TSHZ2: variants seen among roughly 807,000 people sequenced by gnomAD.
The protein encoded by TSHZ2 is teashirt zinc finger homeobox 2.
TSHZ2 carries 21 observed loss-of-function variants against 74.4 expected under a neutral mutation model. The observed-to-expected ratio is 0.28, with a 90% CI of 0.20 to 0.41. TSHZ2 has a LOEUF of 0.41. Among genes scored for constraint, TSHZ2 ranks in the 10% least tolerant of loss-of-function variants. The probability of loss-of-function intolerance (pLI) is 1.00; values close to 1 mark genes in which losing one functional copy is unlikely to be tolerated. For missense variants in TSHZ2, 1,244 were observed against 1,293.5 expected, an observed-to-expected ratio of 0.96 and a Z score of 0.59; for synonymous variants, 540 against 515.3, an observed-to-expected ratio of 1.05 and a Z score of -0.65.
At position 53,252,555 on chromosome 20, in the gene TSHZ2, A is replaced by G. The variant is rs570800453; in HGVS notation, c.41-944A>G. On this transcript the variant is annotated intron_variant, in intron 1 of 2. Coordinates refer to ENST00000371497, the MANE Select transcript of TSHZ2 (RefSeq NM_173485.6). ...ATATTTGCCCATTAATTCCCTTTGC[A>G]CTGGCTCACTCATGTCTTCATTTTC... Among the ~76,000 whole-genome samples, 5 of 152,326 alleles carry G rather than the reference A, an allele frequency of 3.3e-5. No homozygotes were observed. In the South Asian group the frequency reaches 1.0e-3, roughly 32 times the overall value.
rs78682281 is a variant in TSHZ2 at position 53,338,784 on chromosome 20, T to C, written c.*8+82213T>C. ...GCTCCAAATGTCAGGAGTACTCAGC[T>C]CCAAATGTCAGGAGTACTGAGGGCG... is the stretch of plus-strand genomic sequence containing the variant. On this transcript the variant is annotated intron_variant, in intron 2 of 2. Coordinates refer to ENST00000371497, the MANE Select transcript of TSHZ2 (RefSeq NM_173485.6). Among the ~76,000 whole-genome samples, 19 of 146,950 alleles carry C rather than the reference T, an allele frequency of 1.3e-4. No individual in the cohort carries two copies. The East Asian group carries it at 3.5e-3, about 27-fold the overall frequency.
intron 1 of TSHZ2, among the ~76,000 whole-genome samples, chr20:53,180,999 A>G (rs960201667): frequency 6.6e-6 from 1 of 151,890 alleles, no homozygotes; most frequent in Non-Finnish European, 1.5e-5. Flanking sequence ...CAATTGCCTT[A>G]TTTCCTGGTC....
intron 1 of TSHZ2, among the ~76,000 whole-genome samples, chr20:52,975,948 C>T (rs1330071513): frequency 3.9e-5 from 6 of 152,178 alleles, no homozygotes; most frequent in African/African-American, 1.4e-4. Flanking sequence ...TAAGTAATTA[C>T]ACCCAAGGAC....
At chr20:53,116,847 C>T (rs999821410) in intron 1 of TSHZ2, among the ~76,000 whole-genome samples, 11 of 152,124 alleles carry the variant, frequency 7.2e-5, no homozygotes, top group African/African-American at 2.7e-4. Flanking sequence ...GTCTGGGCTA[C>T]TATAGCAAGA....
intron 1 of TSHZ2, among the ~76,000 whole-genome samples, chr20:53,165,387 A>G (rs750043974): frequency 6.6e-6 from 1 of 152,194 alleles, no homozygotes; most frequent in Non-Finnish European, 1.5e-5. Flanking sequence ...CAATTATCCA[A>G]CATCACACCA....
intron 1 of TSHZ2, among the ~76,000 whole-genome samples, chr20:53,120,318 A>T (rs1487199555): frequency 6.6e-6 from 1 of 152,208 alleles, no homozygotes; most frequent in African/African-American, 2.4e-5. Context: ...CCACACTACA[A>T]AGTATGATAA....
At chr20:53,198,733 C>T (rs996230710) in intron 1 of TSHZ2, among the ~76,000 whole-genome samples, 1 of 152,212 alleles carries the variant, frequency 6.6e-6, no homozygotes. Context: ...CTGAGTTAAA[C>T]AATTAGAGGC....
chr20:52,987,008 C>T (rs1368773646), intron 1 of TSHZ2, among the ~76,000 whole-genome samples: 1 of 152,050 alleles, frequency 6.6e-6, no homozygotes, highest in African/African-American at 2.4e-5. Context: ...AATGCCAGGG[C>T]AGGGCAAGGT....
rs575448427 is a variant in TSHZ2 at position 53,256,094 on chromosome 20, C to T, written c.2636C>T (p.Pro879Leu). ...AAATACCTGCTGTCTGATCTGGGCC[C>T]ACAAGAGCGTATGCAAATCTCTAAG... ...EGKYLLSDLG[P>L]QERMQISKFT... The change falls in exon 2 of 3, where the codon CCA becomes CTA. Residue 879 changes from proline (P) to leucine (L), a missense_variant. Pro to Leu is a moderately conservative substitution (Grantham distance 98, BLOSUM62 -3). Coordinates refer to ENST00000371497, the MANE Select transcript of TSHZ2 (RefSeq NM_173485.6). This position sits in a 1 kb window ranked among gnomAD's most constrained non-coding sequence, Gnocchi z 4.3. 1.9e-6 allele frequency: 3 copies of T among 1,614,154 alleles called. No individual in the cohort carries two copies. The South Asian group carries it at 3.3e-5, about 18-fold the overall frequency.
intron 2 of TSHZ2, among the ~76,000 whole-genome samples, chr20:53,402,267 C>A (rs1982695420): frequency 6.6e-6 from 1 of 152,146 alleles, no homozygotes; most frequent in Non-Finnish European, 1.5e-5. Flanking sequence ...CTTAATGAAT[C>A]TCTACACTGT....
intron 1 of TSHZ2, among the ~76,000 whole-genome samples, chr20:53,219,028 G>GC (rs1235633765): frequency 1.3e-5 from 2 of 152,188 alleles, no homozygotes; most frequent in African/African-American, 2.4e-5. Flanking sequence ...AGCTTGCTAA[G>GC]CCCCCAGCTG....
At chr20:53,021,648 G>A (rs958556220) in intron 1 of TSHZ2, among the ~76,000 whole-genome samples, 1 of 152,110 alleles carries the variant, frequency 6.6e-6, no homozygotes, top group Non-Finnish European at 1.5e-5. Context: ...CGTGATGTGG[G>A]ACCAGCCTTT....
chr20:53,486,604 T>C (rs2145863586), intron 2 of TSHZ2, among the ~76,000 whole-genome samples: 1 of 152,164 alleles, frequency 6.6e-6, no homozygotes, highest in East Asian at 1.9e-4. Flanking sequence ...CACTTGGGCC[T>C]GGCAGGTTGA....
chr20:53,010,258 T>C (rs1982801841), intron 1 of TSHZ2, among the ~76,000 whole-genome samples: 1 of 152,126 alleles, frequency 6.6e-6, no homozygotes, highest in African/African-American at 2.4e-5. Context: ...ATCCCTCTAT[T>C]CCACCCACCA....
chr20:52,980,928 A>G (rs2079064594), intron 1 of TSHZ2, among the ~76,000 whole-genome samples: 1 of 152,136 alleles, frequency 6.6e-6, no homozygotes, highest in Non-Finnish European at 1.5e-5. Context: ...TGTATTTAGG[A>G]GCCTCTCTTT....
intron 1 of TSHZ2, among the ~76,000 whole-genome samples, chr20:53,225,070 C>G (rs1344018381): frequency 1.3e-5 from 2 of 152,190 alleles, no homozygotes; most frequent in Non-Finnish European, 2.9e-5. Context: ...AGCACAAAAG[C>G]AGCCCTAAGT....
intron 2 of TSHZ2, among the ~76,000 whole-genome samples, chr20:53,465,634 AGCTCT>A (rs1985534819): frequency 6.6e-6 from 1 of 152,102 alleles, no homozygotes; most frequent in Non-Finnish European, 1.5e-5. Flanking sequence ...TTCAAATCCC[AGCTCT>A]GCTACTTCCC....
At chr20:53,400,412 AC>A (rs1982614500) in intron 2 of TSHZ2, 1 of 152,342 alleles carries the variant, frequency 6.6e-6, no homozygotes, top group Non-Finnish European at 1.5e-5. Flanking sequence ...TGGACAGCAT[AC>A]GTCGAAACTT....
chr20:53,396,135 C>A (rs528632230), intron 2 of TSHZ2, among the ~76,000 whole-genome samples: 1 of 152,300 alleles, frequency 6.6e-6, no homozygotes, highest in East Asian at 1.9e-4. Context: ...GATGGGGTTT[C>A]ACCATGTTAG....
Sources: allele counts gnomAD v4.1 joint callset (sites outside exome capture counted in the v4.1 genomes callset), GRCh38; gene constraint gnomAD v4.1.1; non-coding constraint Gnocchi (gnomAD v3.1); transcripts MANE v1.5; gene names NCBI Gene and HGNC (gene_info 2026-07-23, HGNC 2026-07-21).